EYS: variants seen among roughly 807,000 people sequenced by gnomAD.
EYS encodes protein eyes shut homolog.
EYS carries 250 observed loss-of-function variants against 282.1 expected under a neutral mutation model. That is an observed-to-expected ratio of 0.89 (90% CI 0.80 to 0.98). The LOEUF (loss-of-function observed/expected upper bound fraction) is 0.98, where lower values mean the gene tolerates loss of function less well. Among genes scored for constraint, EYS ranks in the 50% least tolerant of loss-of-function variants. EYS has a pLI of 0.00. For synonymous variants in EYS, 1,355 were observed against 1,282.9 expected, an observed-to-expected ratio of 1.06 and a Z score of -1.20; for missense variants, 4,016 against 3,709.0, an observed-to-expected ratio of 1.08 and a Z score of -2.15.
chr6:63,853,354 G>T (rs920001366), intron 36 of EYS, among the ~76,000 whole-genome samples: 1 of 152,112 alleles, frequency 6.6e-6, no homozygotes, highest in Admixed American at 6.5e-5. Flanking sequence ...CACACATAGA[G>T]CCAAATCATG....
chr6:65,579,164 G>A (rs1764784193), intron 2 of EYS, among the ~76,000 whole-genome samples: 2 of 151,860 alleles, frequency 1.3e-5, no homozygotes, highest in African/African-American at 2.4e-5. Flanking sequence ...GTGTTTTTTT[G>A]TTCCTTTCTT....
intron 22 of EYS, among the ~76,000 whole-genome samples, chr6:64,661,650 C>T (rs1290680293): frequency 6.7e-6 from 1 of 149,292 alleles, no homozygotes; most frequent in African/African-American, 2.5e-5. Context: ...CATCACTGGC[C>T]AACAGAGAAA....
intron 33 of EYS, among the ~76,000 whole-genome samples, chr6:64,065,253 T>C (rs1029795782): frequency 6.6e-6 from 1 of 152,200 alleles, no homozygotes; most frequent in Non-Finnish European, 1.5e-5. Context: ...TTGATTTATA[T>C]AAACTTCATA....
At chr6:64,775,937 A>G (rs553193870) in intron 22 of EYS, among the ~76,000 whole-genome samples, 2 of 152,070 alleles carry the variant, frequency 1.3e-5, no homozygotes, top group Admixed American at 6.6e-5. Flanking sequence ...TGATGCTTCA[A>G]AAGAACACAT....
At chr6:64,299,322 C>T (rs1345744008) in intron 30 of EYS, among the ~76,000 whole-genome samples, 1 of 152,200 alleles carries the variant, frequency 6.6e-6, no homozygotes, top group Non-Finnish European at 1.5e-5. Context: ...TAAATGCCTG[C>T]AGAGCCAGCT....
intron 12 of EYS, among the ~76,000 whole-genome samples, chr6:65,162,080 A>AGTAGT (rs1764863562): frequency 6.6e-6 from 1 of 151,228 alleles, no homozygotes. Context: ...TACAGAAAAA[A>AGTAGT]GTAGTGTGTT....
intron 1 of EYS, among the ~76,000 whole-genome samples, chr6:65,653,168 C>T (rs530222689): frequency 3.1e-4 from 47 of 151,938 alleles, no homozygotes; most frequent in African/African-American, 1.1e-3. Context: ...TCTATTTCTT[C>T]ACTTAATTTT....
chr6:65,318,170 G>A (rs546231348), intron 11 of EYS, among the ~76,000 whole-genome samples: 1 of 114,678 alleles, frequency 8.7e-6, no homozygotes, highest in South Asian at 3.4e-4. Flanking sequence ...CCCGGCTGGA[G>A]GCTCCATTTT....
chr6:64,030,490 C>T (rs1316083600), intron 33 of EYS, among the ~76,000 whole-genome samples: 1 of 152,212 alleles, frequency 6.6e-6, no homozygotes, highest in Non-Finnish European at 1.5e-5. Flanking sequence ...TAGACCTCCT[C>T]ACTGCTGAGA....
intron 2 of EYS, among the ~76,000 whole-genome samples, chr6:65,502,684 T>A (rs991795504): frequency 5.3e-5 from 8 of 151,790 alleles, no homozygotes; most frequent in African/African-American, 1.9e-4. Flanking sequence ...AGGCTCTTCC[T>A]GGTTGTTACT....
chr6:65,057,953 G>C (rs955799823), intron 12 of EYS, among the ~76,000 whole-genome samples: 2 of 152,054 alleles, frequency 1.3e-5, no homozygotes, highest in Non-Finnish European at 2.9e-5. Flanking sequence ...AATCTCTTCT[G>C]AGTTTGTAGG....
chr6:65,642,811 G>C (rs1029110973), intron 1 of EYS, among the ~76,000 whole-genome samples: 1 of 152,006 alleles, frequency 6.6e-6, no homozygotes, highest in Admixed American at 6.5e-5. Flanking sequence ...GTTTTTAATA[G>C]AATTGTTTGT....
At chr6:65,704,239 C>T (rs747246650) in intron 1 of EYS, among the ~76,000 whole-genome samples, 16 of 152,194 alleles carry the variant, frequency 1.1e-4, no homozygotes, top group Non-Finnish European at 1.8e-4. Context: ...TAGCACATTA[C>T]ATACAATAGT....
At chr6:64,312,443 G>C (rs573643021) in intron 29 of EYS, among the ~76,000 whole-genome samples, 1 of 152,138 alleles carries the variant, frequency 6.6e-6, no homozygotes, top group East Asian at 1.9e-4. Context: ...AAGGGTGGCT[G>C]TGGGGGCAGC....
chr6:65,299,691 C>G lies in EYS; in HGVS notation c.1767-3572G>C, dbSNP rs190445516. Among the ~76,000 whole-genome samples the G allele has an allele frequency of 3.9e-5, 6 of 152,108 alleles. No homozygotes were observed. In the East Asian group the frequency reaches 1.2e-3, roughly 29 times the overall value. On this transcript the variant is annotated intron_variant, in intron 11 of 42. Coordinates refer to ENST00000503581, the MANE Select transcript of EYS (RefSeq NM_001142800.2). ...GAGGGTCAAATATTACAGTGCGTTT[C>G]CATTTCTAACTCATCCTGCCACCTA...
intron 22 of EYS, among the ~76,000 whole-genome samples, chr6:64,728,175 T>C (rs1274902014): frequency 6.6e-6 from 1 of 152,116 alleles, no homozygotes; most frequent in Non-Finnish European, 1.5e-5. Flanking sequence ...GTGCGGACCC[T>C]GTGGCAGTGT....
rs575008654 is a variant in EYS, at chr6:65,419,587, C to T, written c.863-14220G>A. Reference sequence around the variant, plus strand: ...CAAGAGAAACAGAATATTTCACATGCGATTTTAAATTTTCTAGTCATCACA... The same window carrying T: ...CAAGAGAAACAGAATATTTCACATGTGATTTTAAATTTTCTAGTCATCACA... On this transcript the variant is annotated intron_variant, in intron 5 of 42. Coordinates refer to ENST00000503581, the MANE Select transcript of EYS (RefSeq NM_001142800.2). Among the ~76,000 whole-genome samples, 47 of 151,656 alleles carry T rather than the reference C, an allele frequency of 3.1e-4. 1 individual carries two copies. The highest frequency in any genetic ancestry group is 5.9e-5 in the Non-Finnish European group (4 of 67,872).
intron 35 of EYS, among the ~76,000 whole-genome samples, chr6:63,930,891 AC>A (rs1346716244): frequency 1.3e-5 from 2 of 152,198 alleles, no homozygotes; most frequent in Non-Finnish European, 2.9e-5. Flanking sequence ...GAACCCATAA[AC>A]ACCCTTGATG....
intron 12 of EYS, among the ~76,000 whole-genome samples, chr6:65,065,411 A>G (rs9363331): frequency 1 from 150,239 of 150,240 alleles, 75,119 homozygotes; most frequent in Non-Finnish European, 1. Flanking sequence ...GAGATGGAGT[A>G]TCGCTCTGTC....
Sources: allele counts gnomAD v4.1 joint callset (sites outside exome capture counted in the v4.1 genomes callset), GRCh38; gene constraint gnomAD v4.1.1; transcripts MANE v1.5; gene names NCBI Gene and HGNC (gene_info 2026-07-23, HGNC 2026-07-21).